MUC5B: variants seen among roughly 807,000 people sequenced by gnomAD.
MUC5B encodes mucin 5B, oligomeric mucus/gel-forming, also known as mucin-5B.
Under a neutral mutation model 376.9 loss-of-function variants are expected in MUC5B, and 116 were observed. The ratio of observed to expected loss-of-function variants is 0.31; its 90% confidence interval spans 0.26 to 0.36. The LOEUF (loss-of-function observed/expected upper bound fraction) is 0.36. MUC5B is among the 10% of genes least tolerant of loss of function. The pLI is 1.00. For synonymous variants in MUC5B, 3,517 were observed against 3,390.9 expected (o/e 1.04, Z -1.29); for missense variants, 7,165 against 7,769.9 (o/e 0.92, Z 2.93).
chr11:1,260,391 A>C lies in MUC5B; in HGVS notation c.16964A>C (p.Glu5655Ala), dbSNP rs367707980. The C allele has an allele frequency of 1.2e-6, 2 of 1,612,310 alleles. No homozygotes were observed. Among genetic ancestry groups the C allele is most frequent in the Non-Finnish European group, 1.7e-6 (2 of 1,179,730 alleles). ...ACCGGCTGCTGCTACTCCTGTGAGGAGGGTAAGTGGAAGCCACCTTCCCAC... is the reference window on the plus strand; with the variant it reads ...ACCGGCTGCTGCTACTCCTGTGAGGCGGGTAAGTGGAAGCCACCTTCCCAC... Reference protein sequence around the residue: ...RKTGCCYSCEEDSCQVRINTT... With the variant: ...RKTGCCYSCEADSCQVRINTT... Residue 5655 changes from glutamate to alanine, a missense_variant and splice_region_variant, in exon 47 of 49, where the codon GAG becomes GCG. By Grantham distance (107) the Glu-to-Ala change is moderately radical. Transcript: ENST00000529681.
At position 1,243,654 on chromosome 11, in the gene MUC5B, C is replaced by A; in HGVS notation, c.6774C>A (p.Ser2258Arg). The change falls in exon 31 of 49, where the codon AGC (serine) becomes AGA (arginine). Residue 2258 changes from serine to arginine, a missense_variant. Physicochemically the swap from Ser to Arg is moderately radical, Grantham distance 110. This residue lies in a region of MUC5B where 79 missense variants were observed against 63.0 expected (regional missense o/e 1.25). Coordinates refer to ENST00000529681, the MANE Select transcript of MUC5B (RefSeq NM_002458.3). ...CAGCCCTTTCCAGCCCTCACCCTAG[C>A]AGCAGAACCACCGAGTCACCCCCTT... ...STPALSSPHP[S>R]SRTTESPPSP... is the part of the protein sequence containing the mutation. 6.2e-7 allele frequency: 1 copy of A among 1,611,248 alleles called. No individual in the cohort carries two copies. The highest frequency in any genetic ancestry group is 8.5e-7 in the Non-Finnish European group (1 of 1,179,458).
In MUC5B at chr11:1,250,797, C is replaced by G. The variant is rs779807713; in HGVS notation, c.13917C>G (p.Pro4639=). Residue 4639 remains proline (P), a synonymous_variant, in exon 31 of 49, where the codon CCC becomes CCG. Transcript: ENST00000529681. The stretch of plus-strand genomic sequence containing the variant: ...CAACCAGTGGCTCCACGGTGACCCC[C>G]TCCTCCATCCCGGGGACCACCCACA... ...TPTTSGSTVT[P]SSIPGTTHTA... is the part of the protein sequence containing the mutation. 6.2e-7 allele frequency: 1 copy of G among 1,613,498 alleles called. No homozygotes were observed. Among genetic ancestry groups the G allele is most frequent in the Non-Finnish European group, 8.5e-7 (1 of 1,179,650 alleles).
Position 1,252,926 on chromosome 11 carries a change from C to A in MUC5B, c.15163C>A (p.Pro5055Thr). ...ANVTCVNKHLPIKVSDPSQPC... is the reference protein window; with the variant it reads ...ANVTCVNKHLTIKVSDPSQPC... ...CGTCACCTGCGTGAACAAGCACCTG[C>A]CCATCAAAGTGTCGGACCCGAGCCA... The change falls in exon 33 of 49, where the codon CCC (proline) becomes ACC (threonine). Residue 5055 changes from proline (P) to threonine (T), a missense_variant. Transcript: ENST00000529681. 6.2e-7 allele frequency: 1 copy of A among 1,612,706 alleles called. No homozygotes were observed. The highest frequency in any genetic ancestry group is 8.5e-7 in the Non-Finnish European group (1 of 1,179,860).
Position 1,261,625 on chromosome 11 carries a change from T to A in MUC5B, c.*17T>A. 6.3e-7 allele frequency: 1 copy of A among 1,585,594 alleles called. No individual in the cohort carries two copies. The highest frequency in any genetic ancestry group is 2.3e-5 in the East Asian group (1 of 43,646). ...GCTGTCTGAGAACGTTCTGCCTCCA[T>A]CCCCATGCTCTGTCCACCTGGAGCC... On this transcript the variant is annotated 3_prime_UTR_variant, in exon 49 of 49. Transcript: ENST00000529681.
rs1862049032 is a variant in MUC5B at position 1,232,452 on chromosome 11, A to G, written c.1846A>G (p.Asn616Asp). The change falls in exon 16 of 49, where the codon AAC (asparagine) becomes GAC (aspartate). Residue 616 changes from asparagine to aspartate, a missense_variant and splice_region_variant. By Grantham distance (23) the Asn-to-Asp change is conservative. Transcript: ENST00000529681. ...ATGAGGTCAGGTCTTCCCCACAGAG[A>G]ACTACGCCCGGCACTGGTGCTCGCG... ...DPCSLSVENE[N>D]YARHWCSRLT... The G allele has an allele frequency of 6.2e-7, 1 of 1,604,238 alleles. No homozygotes were observed.
chr11:1,253,388 A>G lies in MUC5B; in HGVS notation c.15217+408A>G, dbSNP rs896422760. 1.3e-5 allele frequency among the ~76,000 whole-genome samples: 2 copies of G among 151,922 alleles called. No individual in the cohort carries two copies. Among genetic ancestry groups the G allele is most frequent in the Admixed American group, 6.5e-5 (1 of 15,270 alleles). ...ACCCTGCCCAGGGGCTTCTGGGGCC[A>G]GGAGAAGCTCAGGATGGAAGCGGGA... is the stretch of plus-strand genomic sequence containing the variant. On this transcript the variant is annotated intron_variant, in intron 33 of 48. Coordinates refer to ENST00000529681, the MANE Select transcript of MUC5B (RefSeq NM_002458.3). This position sits in a 1 kb window ranked among gnomAD's most constrained non-coding sequence, Gnocchi z 4.3.
chr11:1,260,370 G>C lies in MUC5B; in HGVS notation c.16943G>C (p.Gly5648Ala). 1 of 1,612,522 alleles carries C rather than the reference G, an allele frequency of 6.2e-7. No individual in the cohort carries two copies. The highest frequency in any genetic ancestry group is 8.5e-7 in the Non-Finnish European group (1 of 1,179,768). The change falls in exon 47 of 49, where the codon GGC (glycine) becomes GCC (alanine). Residue 5648 changes from glycine to alanine, a missense_variant. Transcript: ENST00000529681. ...CACCAGGGGAGCCTCAGGAAAACCG[G>C]CTGCTGCTACTCCTGTGAGGAGGGT... ...SSCRGSLRKT[G>A]CCYSCEEDSC...
chr11:1,228,942 G>T (rs1233890233), intron 8 of MUC5B, among the ~76,000 whole-genome samples, 177 bp downstream of exon 8: 1 of 152,044 alleles, frequency 6.6e-6, no homozygotes, highest in African/African-American at 2.4e-5. Flanking sequence ...GGGGCCTCCG[G>T]GGGCTGCAGG....
In MUC5B at chr11:1,239,521, C is replaced by T. The variant is rs774605831; in HGVS notation, c.3538C>T (p.Arg1180Trp). 33 of 1,602,588 alleles carry T rather than the reference C, an allele frequency of 2.1e-5. No homozygotes were observed. The highest frequency in any genetic ancestry group is 6.7e-5 in the African/African-American group (5 of 74,676). Residue 1180 changes from arginine to tryptophan, a missense_variant, in exon 27 of 49, where the codon CGG becomes TGG. Around this residue, in one of 31 missense-constraint regions of MUC5B, gnomAD observed 517 missense variants for 545.3 expected, o/e 0.95. Coordinates refer to ENST00000529681, the MANE Select transcript of MUC5B (RefSeq NM_002458.3). ...CGGGGCACCCTGCCTAAAAACCTGC[C>T]GGAACCCCAGTGGGCACTGCCTGGT... ...PCGAPCLKTC[R>W]NPSGHCLVDL... is the part of the protein sequence containing the mutation.
Position 1,234,975 on chromosome 11 carries a change from G to A in MUC5B, c.2631-110G>A. The A allele has an allele frequency of 7.1e-7, 1 of 1,412,894 alleles. No individual in the cohort carries two copies. The highest frequency in any genetic ancestry group is 1.4e-5 in the South Asian group (1 of 69,018). The allele number at this position is 1,412,894 out of a possible 1,614,324, so 87.5% of individuals were successfully genotyped here. A position where few individuals can be genotyped will look rare whatever the true frequency, so the allele number is the denominator to read the frequency against. The stretch of plus-strand genomic sequence containing the variant: ...TTCCACGGAGGAGGGGTCAGGCTGG[G>A]CCTGGGGAGGCTGAGGCCCCGTGCT... On this transcript the variant is annotated intron_variant, in intron 21 of 48. Transcript: ENST00000529681. The surrounding 1 kb of genome is among the most constrained non-coding windows in gnomAD (Gnocchi z 6.3).
rs375684206 is a variant in MUC5B, at chr11:1,241,135, G to A, written c.4255G>A (p.Asp1419Asn). 93 of 1,610,608 alleles carry A rather than the reference G, an allele frequency of 5.8e-5. No individual in the cohort carries two copies. The highest frequency in any genetic ancestry group is 2.5e-4 in the Admixed American group (15 of 59,504). ...CCAACAGAGTCCCCCGCTCTGTCAC[G>A]ACTACGAGCTGCGGGTTCTCTGCTG... ...NSQQSPPLCH[D>N]YELRVLCCEY... The change falls in exon 31 of 49, where the codon GAC (aspartate) becomes AAC (asparagine). Residue 1419 changes from aspartate (D) to asparagine (N), a missense_variant. Physicochemically the swap from Asp to Asn is conservative, Grantham distance 23. Transcript: ENST00000529681.
Position 1,249,166 on chromosome 11 carries a change from A to G in MUC5B, c.12286A>G (p.Thr4096Ala), listed in dbSNP as rs775171127. The G allele has an allele frequency of 6.8e-6, 11 of 1,610,604 alleles. No individual in the cohort carries two copies. The highest frequency in any genetic ancestry group is 9.3e-6 in the Non-Finnish European group (11 of 1,179,440). ...GGGCCACACCACGGCCACCTCCAGG[A>G]CCACGGCCACGGCCACACCCAGCAA... ...TPGHTTATSRTTATATPSKTR... is the reference protein window; with the variant it reads ...TPGHTTATSRATATATPSKTR... The change falls in exon 31 of 49, where the codon ACC becomes GCC. Residue 4096 changes from threonine to alanine, a missense_variant. Thr to Ala is a moderately conservative substitution (Grantham distance 58). This residue lies in a region of MUC5B where 85 missense variants were observed against 78.2 expected (regional missense o/e 1.09). Transcript: ENST00000529681.
rs1337587592 is a variant in MUC5B, at chr11:1,249,920, C to A, written c.13040C>A (p.Thr4347Asn). 4.3e-6 allele frequency: 7 copies of A among 1,613,486 alleles called. No individual in the cohort carries two copies. The African/African-American group carries it at 5.3e-5, about 12-fold the overall frequency. Residue 4347 changes from threonine (T) to asparagine (N), a missense_variant, in exon 31 of 49, where the codon ACC becomes AAC. Coordinates refer to ENST00000529681, the MANE Select transcript of MUC5B (RefSeq NM_002458.3). ...GAACAGACCACCACACCCGTGGCCA[C>A]CATGTCCACAATCCACCCCTCCTCC... is the stretch of plus-strand genomic sequence containing the variant. The part of the protein sequence containing the change: ...LPEQTTTPVA[T>N]MSTIHPSSTP...
rs1024487707 is a variant in MUC5B, at chr11:1,249,934, C to T, written c.13054C>T (p.His4352Tyr). Residue 4352 changes from histidine (H) to tyrosine (Y), a missense_variant, in exon 31 of 49, where the codon CAC becomes TAC. His to Tyr is a moderately conservative substitution (Grantham distance 83). This residue lies in a region of MUC5B where 431 missense variants were observed against 390.4 expected (regional missense o/e 1.10). Coordinates refer to ENST00000529681, the MANE Select transcript of MUC5B (RefSeq NM_002458.3). ...TTPVATMSTIHPSSTPETTHT... is the reference protein window; with the variant it reads ...TTPVATMSTIYPSSTPETTHT... ...ACCCGTGGCCACCATGTCCACAATC[C>T]ACCCCTCCTCCACTCCGGAGACCAC... is the stretch of plus-strand genomic sequence containing the variant. 2.5e-5 allele frequency: 40 copies of T among 1,612,348 alleles called. No individual in the cohort carries two copies. Among genetic ancestry groups the T allele is most frequent in the Non-Finnish European group, 3.4e-5 (40 of 1,179,452 alleles).
rs1052258215 is a variant in MUC5B, at chr11:1,243,427, G to C, written c.6547G>C (p.Gly2183Arg). The C allele has an allele frequency of 6.7e-7, 1 of 1,496,696 alleles. No homozygotes were observed. The highest frequency in any genetic ancestry group is 1.4e-5 in the African/African-American group (1 of 69,806). The allele number at this position is 1,496,696 out of a possible 1,614,324, so 92.7% of individuals were successfully genotyped here. A position where few individuals can be genotyped will look rare whatever the true frequency, so the allele number is the denominator to read the frequency against. The change falls in exon 31 of 49, where the codon GGG (glycine) becomes CGG (arginine). Residue 2183 changes from glycine (G) to arginine (R), a missense_variant. Physicochemically the swap from Gly to Arg is moderately radical, Grantham distance 125. Around this residue, in one of 31 missense-constraint regions of MUC5B, gnomAD observed 67 missense variants for 103.0 expected, o/e 0.65. Coordinates refer to ENST00000529681, the MANE Select transcript of MUC5B (RefSeq NM_002458.3). ...SNTVTPSSAL[G>R]TTHTPPVPNT... The stretch of plus-strand genomic sequence containing the variant: ...CACAGTGACTCCCTCCTCTGCCCTA[G>C]GGACCACCCACACACCCCCAGTGCC...
Position 1,252,993 on chromosome 11 carries a change from G to A in MUC5B, c.15217+13G>A. 6.2e-7 allele frequency: 1 copy of A among 1,612,456 alleles called. No homozygotes were observed. Among genetic ancestry groups the A allele is most frequent in the Non-Finnish European group, 8.5e-7 (1 of 1,179,820 alleles). ...TATGAGTGCGAGTGTGAGTGCGTCG[G>A]TGGCCGCGGGATTACCCCGGGGGCA... On this transcript the variant is annotated intron_variant, in intron 33 of 48. Coordinates refer to ENST00000529681, the MANE Select transcript of MUC5B (RefSeq NM_002458.3).
rs777511039 is a variant in MUC5B at position 1,251,260 on chromosome 11, A to G, written c.14380A>G (p.Thr4794Ala). ...PETTHTSTVL[T>A]TTATMTRATN... ...GACCACCCACACCTCCACAGTGCTG[A>G]CCACCACAGCCACCATGACAAGGGC... is the stretch of plus-strand genomic sequence containing the variant. Residue 4794 changes from threonine (T) to alanine (A), a missense_variant, in exon 31 of 49, where the codon ACC becomes GCC. By Grantham distance (58) the Thr-to-Ala change is moderately conservative. Transcript: ENST00000529681. The G allele has an allele frequency of 3.1e-6, 5 of 1,611,230 alleles. No homozygotes were observed. The highest frequency in any genetic ancestry group is 1.7e-5 in the Admixed American group (1 of 59,962).
chr11:1,251,332 A>T lies in MUC5B; in HGVS notation c.14452A>T (p.Ile4818Phe). ...TPSSTLGTTRILTELTTTATT... is the reference protein window; with the variant it reads ...TPSSTLGTTRFLTELTTTATT... ...CTCCTCCACTCTGGGGACGACCCGG[A>T]TCCTCACTGAGCTGACCACAACAGC... Residue 4818 changes from isoleucine to phenylalanine, a missense_variant, in exon 31 of 49, where the codon ATC becomes TTC. By Grantham distance (21) the Ile-to-Phe change is conservative (BLOSUM62 0). Coordinates refer to ENST00000529681, the MANE Select transcript of MUC5B (RefSeq NM_002458.3). The T allele has an allele frequency of 6.2e-7, 1 of 1,610,832 alleles. No homozygotes were observed. The highest frequency in any genetic ancestry group is 8.5e-7 in the Non-Finnish European group (1 of 1,177,918).
rs1378756919 is a variant in MUC5B, at chr11:1,246,075, C to G, written c.9195C>G (p.Ser3065Arg). 4 of 1,613,250 alleles carry G rather than the reference C, an allele frequency of 2.5e-6. No individual in the cohort carries two copies. Among genetic ancestry groups the G allele is most frequent in the Admixed American group, 1.7e-5 (1 of 59,976 alleles). The change falls in exon 31 of 49, where the codon AGC becomes AGG. Residue 3065 changes from serine to arginine, a missense_variant. Physicochemically the swap from Ser to Arg is moderately radical, Grantham distance 110 (BLOSUM62 -1). Coordinates refer to ENST00000529681, the MANE Select transcript of MUC5B (RefSeq NM_002458.3). ...CAGCCACCAAATCCACAGCTACCAG[C>G]TTTACACCCATCCCCTCCTTCACCC... ...TSTATKSTAT[S>R]FTPIPSFTLG...
Sources: gnomAD v4.1 joint callset for allele counts (sites outside exome capture counted in the v4.1 genomes callset) on GRCh38, gnomAD v4.1.1 for gene constraint, gnomAD v4.1.1 regional missense constraint, Gnocchi (gnomAD v3.1) non-coding constraint, MANE v1.5 for transcripts, NCBI Gene and HGNC (gene_info 2026-07-23, HGNC 2026-07-21) for gene names.